Variants in GARIN2 observed in about 807,000 individuals in gnomAD.
The protein encoded by GARIN2 is golgi associated RAB2 interactor family member 2, also known as Golgi-associated RAB2 interactor protein 2.
the GARIN2 span, among the ~76,000 whole-genome samples, chr14:67,226,150 G>C: frequency 2.0e-5 from 3 of 152,090 alleles, no homozygotes; most frequent in African/African-American, 7.2e-5. Context: ...ACCAAAGCCA[G>C]CTTAGCACTT....
At chr14:67,219,060 G>A in the GARIN2 span, among the ~76,000 whole-genome samples, 1 of 151,912 alleles carries the variant, frequency 6.6e-6, no homozygotes, top group Non-Finnish European at 1.5e-5. Flanking sequence ...CTCTCCAGAG[G>A]TGGCTCTGGT....
chr14:67,212,604 T>A, the GARIN2 span, among the ~76,000 whole-genome samples: 477 of 143,966 alleles, frequency 3.3e-3, 4 homozygotes, highest in African/African-American at 0.011. Flanking sequence ...AAAAAATATA[T>A]ATATATATAT....
chr14:67,191,907 A>G, the GARIN2 span, among the ~76,000 whole-genome samples: 1 of 152,264 alleles, frequency 6.6e-6, no homozygotes, highest in Non-Finnish European at 1.5e-5. Context: ...GTAATTCTGC[A>G]GAAACGTACA....
At chr14:67,214,721 A>T in the GARIN2 span, among the ~76,000 whole-genome samples, 25 of 152,070 alleles carry the variant, frequency 1.6e-4, 1 homozygote, top group Non-Finnish European at 2.2e-4. Flanking sequence ...TGGTAGCTTG[A>T]TGGGGATGGC....
At chr14:67,204,985 A>G in the GARIN2 span, 9 of 1,574,992 alleles carry the variant, frequency 5.7e-6, no homozygotes, top group South Asian at 1.0e-4. Context: ...CATAGAAGTC[A>G]GAGAAGCCAC....
the GARIN2 span, among the ~76,000 whole-genome samples, chr14:67,226,248 G>C: frequency 6.6e-6 from 1 of 152,116 alleles, no homozygotes; most frequent in Non-Finnish European, 1.5e-5. Context: ...CTGGAGTGCA[G>C]TGGCGCAATC....
the GARIN2 span, among the ~76,000 whole-genome samples, chr14:67,201,189 A>G: frequency 0.31 from 47,755 of 152,034 alleles, 11,591 homozygotes; most frequent in African/African-American, 0.66. Flanking sequence ...AGCTACTCGG[A>G]AGGCTGAGGA....
At chr14:67,221,866 C>G in the GARIN2 span, 3 of 1,595,196 alleles carry the variant, frequency 1.9e-6, no homozygotes, top group Non-Finnish European at 2.6e-6. Context: ...GTAGTCATCT[C>G]TGGTTCCTAG....
chr14:67,203,090 T>C, the GARIN2 span: 1 of 1,610,516 alleles, frequency 6.2e-7, no homozygotes, highest in Admixed American at 1.7e-5. Flanking sequence ...TTTTCTGCAC[T>C]CAGGTCAACA....
the GARIN2 span, among the ~76,000 whole-genome samples, chr14:67,190,750 T>G: frequency 1.3e-5 from 2 of 152,202 alleles, no homozygotes; most frequent in Non-Finnish European, 2.9e-5. Context: ...CCTGCAAAGG[T>G]GCAACCAGAA....
chr14:67,198,234 G>A, the GARIN2 span: 2 of 1,613,828 alleles, frequency 1.2e-6, no homozygotes, highest in African/African-American at 2.7e-5. Context: ...ACACTCCCAT[G>A]ATCCGAGAGA....
chr14:67,212,589 G>GAA, the GARIN2 span, among the ~76,000 whole-genome samples: 253 of 100,322 alleles, frequency 2.5e-3, no homozygotes, highest in Middle Eastern at 6.4e-3. Context: ...AGACCCTGTT[G>GAA]AAAAAAAAAA....
At chr14:67,206,349 T>A in the GARIN2 span, among the ~76,000 whole-genome samples, 1 of 151,520 alleles carries the variant, frequency 6.6e-6, no homozygotes, top group African/African-American at 2.4e-5. Context: ...AAATAAAAAT[T>A]AGCCGGTGTG....
At chr14:67,220,715 C>G in the GARIN2 span, among the ~76,000 whole-genome samples, 1 of 152,116 alleles carries the variant, frequency 6.6e-6, no homozygotes, top group Non-Finnish European at 1.5e-5. Flanking sequence ...TAATTTGCAT[C>G]TATTTTTCAA....
chr14:67,225,274 TTAATTA>T, the GARIN2 span: 1 of 1,485,564 alleles, frequency 6.7e-7, no homozygotes, highest in Non-Finnish European at 8.9e-7. Context: ...AGGTAACTTT[TTAATTA>T]TAAGTCTCTA....
chr14:67,197,298 A>C, the GARIN2 span: 1 of 152,350 alleles, frequency 6.6e-6, no homozygotes. Flanking sequence ...AGGAAGCTCA[A>C]ACTGAAGTGA....
the GARIN2 span, chr14:67,205,224 T>C: frequency 1.2e-6 from 1 of 856,724 alleles, no homozygotes; most frequent in Non-Finnish European, 1.7e-6. Context: ...CTAATTTTAA[T>C]AGTGAGATTA....
the GARIN2 span, among the ~76,000 whole-genome samples, chr14:67,193,990 G>T: frequency 7.8e-6 from 1 of 128,442 alleles, no homozygotes; most frequent in Non-Finnish European, 1.6e-5. Context: ...AAAACAGAAA[G>T]AAAGAAATTA....
chr14:67,193,779 C>CAAA, the GARIN2 span, among the ~76,000 whole-genome samples: 39 of 88,844 alleles, frequency 4.4e-4, no homozygotes, highest in Non-Finnish European at 8.4e-4. Flanking sequence ...CCAATTTCTA[C>CAAA]AAAAAAAAAA....
Sources: gnomAD v4.1 joint callset for allele counts (sites outside exome capture counted in the v4.1 genomes callset) on GRCh38, gnomAD v4.1.1 for gene constraint, MANE v1.5 for transcripts, NCBI Gene and HGNC (gene_info 2026-07-23, HGNC 2026-07-21) for gene names.